The following UEVLD variants were observed in gnomAD, a reference collection of about 807,000 sequenced individuals.
UEVLD encodes ubiquitin-conjugating enzyme E2 variant 3.
UEVLD carries 47 observed loss-of-function variants against 58.6 expected under a neutral mutation model. The observed-to-expected ratio is 0.80, with a 90% CI of 0.63 to 1.02. UEVLD has a LOEUF of 1.02. Among genes scored for constraint, UEVLD ranks in the 50% least tolerant of loss-of-function variants. The probability of loss-of-function intolerance (pLI) is 0.00; values close to 1 mark genes in which losing one functional copy is unlikely to be tolerated. For synonymous variants in UEVLD, 197 were observed against 195.3 expected (o/e 1.01, Z -0.07); for missense variants, 510 against 550.6 (o/e 0.93, Z 0.74).
At chr11:18,578,903 T>C (rs1853083753) in intron 1 of UEVLD, 95 bp from the exon 2 acceptor site, 1 of 800,034 alleles carries the variant, frequency 1.2e-6, no homozygotes. Flanking sequence ...AGTCTCACTC[T>C]GTTGCCCAGG....
intron 9 of UEVLD, chr11:18,536,800 T>G (rs1850816835): frequency 4.7e-6 from 1 of 211,576 alleles, no homozygotes; most frequent in Non-Finnish European, 9.5e-6. Context: ...TGCTGAGAAA[T>G]GCACTGAGAC....
intron 7 of UEVLD, among the ~76,000 whole-genome samples, chr11:18,556,764 G>A (rs892227265): frequency 9.9e-5 from 15 of 151,818 alleles, no homozygotes; most frequent in East Asian, 3.9e-4. Flanking sequence ...AATATGTTAC[G>A]TACATTATAA....
At chr11:18,580,952 C>G (rs1853207816) in intron 1 of UEVLD, among the ~76,000 whole-genome samples, 1 of 152,006 alleles carries the variant, frequency 6.6e-6, no homozygotes, top group Admixed American at 6.6e-5. Flanking sequence ...CACCTGAGGT[C>G]AGGAGTTCAA....
intron 9 of UEVLD, among the ~76,000 whole-genome samples, chr11:18,540,366 G>A (rs1215240819): frequency 6.6e-6 from 1 of 152,134 alleles, no homozygotes; most frequent in African/African-American, 2.4e-5. Context: ...TACTGTGATG[G>A]TATCACTTAT....
At chr11:18,537,322 ATATTT>A (rs1435282256) in intron 9 of UEVLD, among the ~76,000 whole-genome samples, 1 of 30,372 alleles carries the variant, frequency 3.3e-5, no homozygotes, top group Non-Finnish European at 1.6e-4. Flanking sequence ...ATATATATAT[ATATTT>A]TTTTTTTTTT....
At chr11:18,587,048 A>C (rs1486686023) in intron 1 of UEVLD, among the ~76,000 whole-genome samples, 1 of 152,152 alleles carries the variant, frequency 6.6e-6, no homozygotes, top group African/African-American at 2.4e-5. Flanking sequence ...AACAGTAATA[A>C]TAATAATAAG....
chr11:18,564,326 A>G (rs974427699), intron 6 of UEVLD, among the ~76,000 whole-genome samples: 1 of 152,168 alleles, frequency 6.6e-6, no homozygotes, highest in Admixed American at 6.5e-5. Flanking sequence ...GACAAAAGAC[A>G]TGCTGTTATC....
At chr11:18,533,694 T>C (rs2133949506) in intron 11 of UEVLD, among the ~76,000 whole-genome samples, 1 of 152,312 alleles carries the variant, frequency 6.6e-6, no homozygotes, top group Admixed American at 6.5e-5. Flanking sequence ...GTCCACACTT[T>C]TTTTGTTTGT....
At chr11:18,536,548 A>T (rs1850803746) in intron 9 of UEVLD, 79 bp from the exon 10 acceptor site, 1 of 1,204,748 alleles carries the variant, frequency 8.3e-7, no homozygotes, top group South Asian at 1.2e-5. Context: ...TTTTGGAGTC[A>T]AGGGTACCTG....
chr11:18,576,311 G>C (rs1392870761), intron 2 of UEVLD, among the ~76,000 whole-genome samples: 1 of 152,086 alleles, frequency 6.6e-6, no homozygotes, highest in Non-Finnish European at 1.5e-5. Context: ...CCAGCACCTT[G>C]GGAGGCTGAG....
At chr11:18,571,333 A>G (rs1364620844) in intron 3 of UEVLD, among the ~76,000 whole-genome samples, 2 of 152,078 alleles carry the variant, frequency 1.3e-5, no homozygotes, top group Non-Finnish European at 2.9e-5. Flanking sequence ...GTGACAGCGC[A>G]AGACTCTGTC....
chr11:18,539,731 C>T (rs1850976569), intron 9 of UEVLD, among the ~76,000 whole-genome samples: 1 of 152,140 alleles, frequency 6.6e-6, no homozygotes, highest in Admixed American at 6.5e-5. Flanking sequence ...AAGGAAGCAG[C>T]AGTTGCTAAG....
intron 1 of UEVLD, among the ~76,000 whole-genome samples, chr11:18,584,029 T>C (rs1853408696): frequency 6.6e-6 from 1 of 151,974 alleles, no homozygotes; most frequent in South Asian, 2.1e-4. Context: ...GAGCAGAAAA[T>C]AGGAATTAGG....
chr11:18,559,989 G>C (rs960369102), intron 6 of UEVLD, among the ~76,000 whole-genome samples: 3 of 151,430 alleles, frequency 2.0e-5, no homozygotes, highest in African/African-American at 7.3e-5. Flanking sequence ...GGGCACGGTG[G>C]TTCACACCTG....
intron 7 of UEVLD, among the ~76,000 whole-genome samples, chr11:18,548,274 G>A (rs919217038): frequency 9.2e-5 from 14 of 152,096 alleles, no homozygotes; most frequent in Non-Finnish European, 1.6e-4. Flanking sequence ...TGCCCAAACC[G>A]TGGCCAGATG....
intron 1 of UEVLD, among the ~76,000 whole-genome samples, chr11:18,585,644 T>A (rs953274834): frequency 2.0e-5 from 2 of 100,196 alleles, no homozygotes; most frequent in Non-Finnish European, 4.2e-5. Flanking sequence ...TTATTATTAT[T>A]TTTTTTTTTT....
At chr11:18,545,684 A>C (rs1486356551) in intron 8 of UEVLD, among the ~76,000 whole-genome samples, 1 of 151,752 alleles carries the variant, frequency 6.6e-6, no homozygotes, top group African/African-American at 2.4e-5. Flanking sequence ...ACCTCAGGTG[A>C]TCCACCTGCC....
intron 6 of UEVLD, among the ~76,000 whole-genome samples, chr11:18,560,146 G>GCCTGGGCAACATGGC (rs1851968857): frequency 2.0e-5 from 1 of 50,560 alleles, no homozygotes; most frequent in Non-Finnish European, 5.1e-5. Context: ...CACAGAGAGA[G>GCCTGGGCAACATGGC]AAAGAAAATA....
intron 7 of UEVLD, among the ~76,000 whole-genome samples, chr11:18,549,000 C>T (rs768791936): frequency 3.3e-5 from 5 of 152,168 alleles, no homozygotes. Flanking sequence ...CCATATGTGT[C>T]AAACACTGTT....
Sources: allele counts gnomAD v4.1 joint callset (sites outside exome capture counted in the v4.1 genomes callset), GRCh38; gene constraint gnomAD v4.1.1; transcripts MANE v1.5; gene names NCBI Gene and HGNC (gene_info 2026-07-23, HGNC 2026-07-21).